Variants in UBE2E1 observed in about 807,000 individuals in gnomAD.
UBE2E1 encodes the protein ubiquitin conjugating enzyme E2 E1, also known as ubiquitin-conjugating enzyme E2 E1.
In UBE2E1, 6 loss-of-function variants were observed where a neutral mutation model predicts 21.4. The ratio of observed to expected loss-of-function variants is 0.28; its 90% CI spans 0.15 to 0.55. The LOEUF (loss-of-function observed/expected upper bound fraction) is 0.55, where lower values mean the gene tolerates loss of function less well. Among genes scored for constraint, UBE2E1 ranks in the 20% least tolerant of loss-of-function variants. The probability of loss-of-function intolerance (pLI) is 0.93; values close to 1 mark genes in which losing one functional copy is unlikely to be tolerated. For missense variants in UBE2E1, 142 were observed against 236.5 expected (o/e 0.60, Z 2.62); for synonymous variants, 87 against 82.7 (o/e 1.05, Z -0.28).
At chr3:23,809,425 G>C (rs1699340815) in intron 2 of UBE2E1, among the ~76,000 whole-genome samples, 4 of 152,202 alleles carry the variant, frequency 2.6e-5, no homozygotes, top group Admixed American at 1.3e-4. Flanking sequence ...AAAGAAGCCT[G>C]AATTGGCAGA....
chr3:23,887,607 A>G lies in UBE2E1; in HGVS notation c.244A>G (p.Thr82Ala). 6.2e-7 allele frequency: 1 copy of G among 1,613,634 alleles called. No homozygotes were observed. The highest frequency in any genetic ancestry group is 8.5e-7 in the Non-Finnish European group (1 of 1,179,902). ...CGATAACATCTATGAATGGAGATCAACCATTCTAGGGCCTCCAGGATCCGT... is the reference window on the plus strand; with the variant it reads ...CGATAACATCTATGAATGGAGATCAGCCATTCTAGGGCCTCCAGGATCCGT... ...KGDNIYEWRS[T>A]ILGPPGSVYE... The change falls in exon 4 of 6, where the codon ACC (threonine) becomes GCC (alanine). Residue 82 changes from threonine (T) to alanine (A), a missense_variant. Physicochemically the swap from Thr to Ala is moderately conservative, Grantham distance 58. This residue lies in a region of UBE2E1 where 87 missense variants were observed against 184.9 expected (regional missense o/e 0.47). Transcript: ENST00000306627. The surrounding 1 kb of genome is among the most constrained non-coding windows in gnomAD (Gnocchi z 4.4).
At chr3:23,860,784 A>G (rs1575022842) in intron 3 of UBE2E1, among the ~76,000 whole-genome samples, 1 of 152,242 alleles carries the variant, frequency 6.6e-6, no homozygotes, top group East Asian at 1.9e-4. Context: ...AAAACTAGGT[A>G]GTACCTAAAA....
At position 23,816,571 on chromosome 3, in the gene UBE2E1, G is replaced by A. The variant is rs1391390263; in HGVS notation, c.203+5061G>A. 1.3e-5 allele frequency among the ~76,000 whole-genome samples: 2 copies of A among 152,126 alleles called. No homozygotes were observed. Among genetic ancestry groups the A allele is most frequent in the Non-Finnish European group, 2.9e-5 (2 of 68,018 alleles). On this transcript the variant is annotated intron_variant, in intron 3 of 5. Transcript: ENST00000306627. This position sits in a 1 kb window ranked among gnomAD's most constrained non-coding sequence, Gnocchi z 4.8. ...AATACAAAAAAATTAGCCGGGCATG[G>A]TGGCGGGCACCTGTAGTCCCAGCTA... is the stretch of plus-strand genomic sequence containing the variant.
At chr3:23,879,462 A>T in intron 3 of UBE2E1, 1 of 418,186 alleles carries the variant, frequency 2.4e-6, no homozygotes, top group Non-Finnish European at 4.9e-6. Flanking sequence ...GGCCGACTGG[A>T]CAGGATAGAA....
At chr3:23,871,461 C>G (rs1242325701) in intron 3 of UBE2E1, among the ~76,000 whole-genome samples, 1 of 151,330 alleles carries the variant, frequency 6.6e-6, no homozygotes, top group East Asian at 2.0e-4. Context: ...GTAGGGGCGG[C>G]AGGGCAGAGG....
intron 3 of UBE2E1, among the ~76,000 whole-genome samples, chr3:23,833,782 G>A (rs913925738): frequency 2.0e-5 from 3 of 152,110 alleles, no homozygotes; most frequent in African/African-American, 7.2e-5. Context: ...GGATTTCTTG[G>A]GGCTAGAAGT....
intron 3 of UBE2E1, among the ~76,000 whole-genome samples, chr3:23,860,094 G>A (rs1360308737): frequency 6.6e-6 from 1 of 152,178 alleles, no homozygotes; most frequent in Admixed American, 6.5e-5. Flanking sequence ...ATTGCTGAAG[G>A]AGAAAATCAT....
At chr3:23,821,000 C>T (rs1699631694) in intron 3 of UBE2E1, among the ~76,000 whole-genome samples, 1 of 152,174 alleles carries the variant, frequency 6.6e-6, no homozygotes, top group South Asian at 2.1e-4. Context: ...AAAAAGTCAG[C>T]ATTATTATGA....
Position 23,882,571 on chromosome 3 carries a change from G to C in UBE2E1, c.204-4996G>C, listed in dbSNP as rs191172945. Among the ~76,000 whole-genome samples, 204 of 152,114 alleles carry C rather than the reference G, an allele frequency of 1.3e-3. No individual in the cohort carries two copies. The Middle Eastern group carries it at 0.024, about 18-fold the overall frequency. On this transcript the variant is annotated intron_variant, in intron 3 of 5. Transcript: ENST00000306627. ...TGGGCAGGCGATGGGACCGGGAGCC[G>C]CGGAGCAGGGGGTGGTCCCCATCGG...
chr3:23,840,951 G>GT (rs1309850633), intron 3 of UBE2E1, among the ~76,000 whole-genome samples: 1 of 152,102 alleles, frequency 6.6e-6, no homozygotes, highest in African/African-American at 2.4e-5. Flanking sequence ...TATTTTGTCA[G>GT]TTTTTTTGTT....
intron 3 of UBE2E1, among the ~76,000 whole-genome samples, chr3:23,820,042 AC>A (rs1699614505): frequency 6.6e-6 from 1 of 152,202 alleles, no homozygotes; most frequent in South Asian, 2.1e-4. Context: ...GGTGCTAAAT[AC>A]AGTGGGTTCC....
At chr3:23,822,463 T>G (rs1393417873) in intron 3 of UBE2E1, among the ~76,000 whole-genome samples, 1 of 149,002 alleles carries the variant, frequency 6.7e-6, no homozygotes, top group Non-Finnish European at 1.5e-5. Flanking sequence ...CTCAAAGGAG[T>G]TTTTTTTTTC....
intron 3 of UBE2E1, among the ~76,000 whole-genome samples, chr3:23,882,906 C>T (rs1285682826): frequency 1.3e-5 from 2 of 152,318 alleles, no homozygotes; most frequent in South Asian, 4.1e-4. Flanking sequence ...CAGTTCCCAC[C>T]CGCGCCTCTC....
At chr3:23,827,408 G>A (rs1699780855) in intron 3 of UBE2E1, among the ~76,000 whole-genome samples, 1 of 152,192 alleles carries the variant, frequency 6.6e-6, no homozygotes. Flanking sequence ...TTCACACTGT[G>A]TGCGGTGGAG....
At chr3:23,856,274 C>T (rs1700434619) in intron 3 of UBE2E1, among the ~76,000 whole-genome samples, 1 of 152,174 alleles carries the variant, frequency 6.6e-6, no homozygotes, top group African/African-American at 2.4e-5. Flanking sequence ...GTGATCCACC[C>T]ACCTTGGCCT....
chr3:23,819,003 G>A (rs543095656), intron 3 of UBE2E1, among the ~76,000 whole-genome samples: 9 of 152,344 alleles, frequency 5.9e-5, no homozygotes, highest in African/African-American at 2.2e-4. Context: ...TTGCTAGAGA[G>A]TCCGGGCACG....
intron 3 of UBE2E1, among the ~76,000 whole-genome samples, chr3:23,869,724 CAAAAAAAAAAAAAAAAA>C (rs5847258): frequency 1.3e-5 from 1 of 76,874 alleles, no homozygotes; most frequent in African/African-American, 4.5e-5. Flanking sequence ...GACCCTGTGT[CAAAAAAAAAAAAAAAAA>C]AAAAAAAAAA....
intron 3 of UBE2E1, among the ~76,000 whole-genome samples, chr3:23,829,604 C>T (rs2125292693): frequency 1.3e-5 from 2 of 152,176 alleles, no homozygotes; most frequent in East Asian, 3.9e-4. Context: ...CATACCTGCC[C>T]CTCTCCTGGA....
intron 3 of UBE2E1, among the ~76,000 whole-genome samples, chr3:23,850,433 C>A (rs557081114): frequency 6.6e-6 from 1 of 152,156 alleles, no homozygotes; most frequent in Admixed American, 6.5e-5. Context: ...TTTGTGGTTT[C>A]AATGAAGTCC....
Sources: gnomAD v4.1 joint callset for allele counts (sites outside exome capture counted in the v4.1 genomes callset) on GRCh38, gnomAD v4.1.1 for gene constraint, gnomAD v4.1.1 regional missense constraint, Gnocchi (gnomAD v3.1) non-coding constraint, MANE v1.5 for transcripts, NCBI Gene and HGNC (gene_info 2026-07-23, HGNC 2026-07-21) for gene names.